The following ZNF143 variants were observed in gnomAD, a reference collection of about 807,000 sequenced individuals.
ZNF143 encodes the protein SPH-binding factor.
A neutral mutation model predicts 74.1 loss-of-function variants in ZNF143; 49 were observed. The ratio of observed to expected loss-of-function variants is 0.66; its 90% CI spans 0.53 to 0.84. The LOEUF (loss-of-function observed/expected upper bound fraction) is 0.84. ZNF143 is among the 40% of genes least tolerant of loss of function. The pLI is 0.00. For missense variants in ZNF143, 637 were observed against 793.4 expected, an observed-to-expected ratio of 0.80 and a Z score of 2.37; for synonymous variants, 304 against 282.8, an observed-to-expected ratio of 1.07 and a Z score of -0.75.
intron 12 of ZNF143, among the ~76,000 whole-genome samples, chr11:9,511,383 G>A (rs1302399201): frequency 6.6e-6 from 1 of 151,410 alleles, no homozygotes; most frequent in Non-Finnish European, 1.5e-5. Context: ...TGCAAGCTCC[G>A]CCTCCTAGGT....
Position 9,478,423 on chromosome 11 carries a change from A to G in ZNF143, c.407A>G (p.Gln136Arg). 1 of 1,614,146 alleles carries G rather than the reference A, an allele frequency of 6.2e-7. No homozygotes were observed. The highest frequency in any genetic ancestry group is 8.5e-7 in the Non-Finnish European group (1 of 1,180,014). ...GACCAGAGTGCATTACAGGCGGTTC[A>G]GCTGGAAGATGGTACCACAGCTTAT... ...SYDQSALQAVQLEDGTTAYIH... is the reference protein window; with the variant it reads ...SYDQSALQAVRLEDGTTAYIH... Residue 136 changes from glutamine (Q) to arginine (R), a missense_variant, in exon 6 of 16, where the codon CAG (glutamine) becomes CGG (arginine). This residue lies in a region of ZNF143 where 293 missense variants were observed against 307.8 expected (regional missense o/e 0.95). Coordinates refer to ENST00000396602, the MANE Select transcript of ZNF143 (RefSeq NM_003442.6).
At chr11:9,505,532 T>C (rs563011837) in intron 11 of ZNF143, among the ~76,000 whole-genome samples, 6 of 151,784 alleles carry the variant, frequency 4.0e-5, no homozygotes, top group Non-Finnish European at 5.9e-5. Flanking sequence ...AGCCCTGATA[T>C]GCAATTTTTG....
chr11:9,523,327 C>T (rs927818518), intron 14 of ZNF143, among the ~76,000 whole-genome samples: 2 of 152,184 alleles, frequency 1.3e-5, no homozygotes, highest in East Asian at 3.8e-4. Context: ...AATTCCGTCT[C>T]TCTTTGGTGA....
chr11:9,467,330 G>A (rs1200917019), intron 1 of ZNF143, among the ~76,000 whole-genome samples: 1 of 151,864 alleles, frequency 6.6e-6, no homozygotes, highest in African/African-American at 2.4e-5. Flanking sequence ...CCACCCTCCG[G>A]GTTCAAGTGA....
intron 15 of ZNF143, 141 bp downstream of exon 15, chr11:9,525,527 C>A: frequency 8.7e-7 from 1 of 1,149,538 alleles, no homozygotes; most frequent in Non-Finnish European, 1.3e-6. Context: ...TTAAGGAAAT[C>A]GGTGTATTTG....
rs532214968 is a variant in ZNF143, at chr11:9,496,691, G to A, written c.841+313G>A. On this transcript the variant is annotated intron_variant, in intron 9 of 15. Transcript: ENST00000396602. ...GGCTCACTGCAACCTCCGCCTCCCA[G>A]GTTCAAGCAATTCTAGTGCCTCAGC... Among the ~76,000 whole-genome samples the A allele has an allele frequency of 1.1e-3, 163 of 151,982 alleles. 1 individual carries two copies. Among genetic ancestry groups the A allele is most frequent in the African/African-American group, 3.4e-3 (141 of 41,452 alleles).
At chr11:9,476,215 A>G (rs1158563935) in intron 5 of ZNF143, among the ~76,000 whole-genome samples, 4 of 152,034 alleles carry the variant, frequency 2.6e-5, no homozygotes, top group African/African-American at 7.2e-5. Flanking sequence ...CATCATCTGT[A>G]AAATGAGGAT....
intron 3 of ZNF143, 121 bp downstream of exon 3, chr11:9,472,890 AT>A: frequency 2.3e-6 from 1 of 436,518 alleles, no homozygotes; most frequent in Non-Finnish European, 3.9e-6. Context: ...GCATATGATG[AT>A]TTTAAGTCAT....
At chr11:9,502,011 A>G (rs1444017762) in intron 11 of ZNF143, among the ~76,000 whole-genome samples, 2 of 123,618 alleles carry the variant, frequency 1.6e-5, no homozygotes, top group Non-Finnish European at 3.1e-5. Context: ...ATCTCGGCTC[A>G]CTGCAACCTC....
At chr11:9,510,688 G>C (rs1205622342) in intron 12 of ZNF143, among the ~76,000 whole-genome samples, 1 of 152,078 alleles carries the variant, frequency 6.6e-6, no homozygotes, top group Non-Finnish European at 1.5e-5. Context: ...CCACTGAATT[G>C]AGAAGTACTC....
chr11:9,503,636 G>A (rs1279886659), intron 11 of ZNF143, among the ~76,000 whole-genome samples: 1 of 150,136 alleles, frequency 6.7e-6, no homozygotes, highest in Non-Finnish European at 1.5e-5. Flanking sequence ...GGCTAATGAT[G>A]TGAAGCTTTT....
chr11:9,466,445 GC>G (rs920425409), intron 1 of ZNF143, among the ~76,000 whole-genome samples: 56 of 151,152 alleles, frequency 3.7e-4, no homozygotes, highest in African/African-American at 1.3e-3. Context: ...ACAGGCGTCT[GC>G]CACCACGCCT....
intron 7 of ZNF143, among the ~76,000 whole-genome samples, chr11:9,484,967 T>C (rs1450273323): frequency 2.0e-5 from 3 of 149,944 alleles, no homozygotes; most frequent in Non-Finnish European, 4.4e-5. Context: ...CCGGCTAATT[T>C]TTTGTATTTT....
At chr11:9,494,852 C>T in intron 8 of ZNF143, 87 bp downstream of exon 8, 2 of 1,361,036 alleles carry the variant, frequency 1.5e-6, no homozygotes, top group Non-Finnish European at 2.0e-6. Flanking sequence ...ATTCAAATGC[C>T]ACTGTTTTCT....
chr11:9,506,905 A>G (rs1233580556), intron 11 of ZNF143, among the ~76,000 whole-genome samples: 2 of 152,056 alleles, frequency 1.3e-5, no homozygotes, highest in South Asian at 4.1e-4. Context: ...ATCCAAATCC[A>G]TTCGCCTCTT....
intron 8 of ZNF143, 111 bp downstream of exon 8, chr11:9,494,876 A>T: frequency 1.7e-6 from 2 of 1,151,188 alleles, no homozygotes; most frequent in Non-Finnish European, 2.4e-6. Flanking sequence ...AGTTATCAAG[A>T]TACTGGCACT....
At chr11:9,481,540 C>T (rs926860534) in intron 7 of ZNF143, among the ~76,000 whole-genome samples, 3 of 152,028 alleles carry the variant, frequency 2.0e-5, no homozygotes, top group Non-Finnish European at 4.4e-5. Flanking sequence ...AATAAGTTCT[C>T]TGTCTTATTG....
At chr11:9,524,596 G>T (rs1176908266) in intron 14 of ZNF143, among the ~76,000 whole-genome samples, 1 of 152,094 alleles carries the variant, frequency 6.6e-6, no homozygotes, top group Non-Finnish European at 1.5e-5. Context: ...TCATCTAACA[G>T]AAATAGTTAA....
intron 11 of ZNF143, among the ~76,000 whole-genome samples, chr11:9,501,506 G>A (rs1310551516): frequency 1.3e-5 from 2 of 152,194 alleles, no homozygotes; most frequent in African/African-American, 2.4e-5. Context: ...ACATTGTCAA[G>A]GGCAGGCTAC....
Sources: gnomAD v4.1 joint callset for allele counts (sites outside exome capture counted in the v4.1 genomes callset) on GRCh38, gnomAD v4.1.1 for gene constraint, gnomAD v4.1.1 regional missense constraint, MANE v1.5 for transcripts, NCBI Gene and HGNC (gene_info 2026-07-23, HGNC 2026-07-21) for gene names.